TYW1: variants seen among roughly 807,000 people sequenced by gnomAD.
The protein encoded by TYW1 is S-adenosyl-L-methionine-dependent tRNA 4-demethylwyosine synthase TYW1.
TYW1 carries 46 observed loss-of-function variants against 96.2 expected under a neutral mutation model. That is an observed-to-expected ratio of 0.48 (90% CI 0.38 to 0.61). The LOEUF is 0.61. Among genes scored for constraint, TYW1 ranks in the 20% least tolerant of loss-of-function variants. TYW1 has a pLI of 0.00. For synonymous variants in TYW1, 274 were observed against 323.0 expected (o/e 0.85, Z 1.63); for missense variants, 684 against 909.6 (o/e 0.75, Z 3.19).
At chr7:67,069,532 G>C (rs1314993669) in intron 10 of TYW1, among the ~76,000 whole-genome samples, 2 of 152,098 alleles carry the variant, frequency 1.3e-5, no homozygotes, top group Non-Finnish European at 2.9e-5. Context: ...TGAGCCCAGG[G>C]GTTCAAGACC....
chr7:67,011,247 A>G (rs2129239981), intron 4 of TYW1, among the ~76,000 whole-genome samples: 1 of 152,208 alleles, frequency 6.6e-6, no homozygotes, highest in African/African-American at 2.4e-5. Flanking sequence ...TGTGTTGGCC[A>G]GGCTGGTGTT....
At chr7:67,138,752 A>T (rs1056467415) in intron 13 of TYW1, among the ~76,000 whole-genome samples, 5 of 152,186 alleles carry the variant, frequency 3.3e-5, no homozygotes, top group African/African-American at 4.8e-5. Flanking sequence ...TGCCTGGCTA[A>T]TATCACTTAG....
chr7:67,086,199 T>C (rs1427328084), intron 11 of TYW1, among the ~76,000 whole-genome samples: 2 of 152,302 alleles, frequency 1.3e-5, no homozygotes, highest in African/African-American at 4.8e-5. Flanking sequence ...GATAAAGCAG[T>C]GTCTCTTACC....
At chr7:67,063,265 C>T (rs1407099968) in intron 9 of TYW1, among the ~76,000 whole-genome samples, 6 of 152,152 alleles carry the variant, frequency 3.9e-5, no homozygotes, top group African/African-American at 7.2e-5. Context: ...AAACTCTTAG[C>T]AAGTTAGAAA....
chr7:67,007,596 G>A (rs1017669887), intron 3 of TYW1, among the ~76,000 whole-genome samples: 4 of 152,048 alleles, frequency 2.6e-5, no homozygotes, highest in Non-Finnish European at 4.4e-5. Flanking sequence ...ATCAGTCCTT[G>A]AGGCCTGCTG....
At chr7:67,209,894 T>C (rs1023049539) in intron 15 of TYW1, among the ~76,000 whole-genome samples, 2 of 151,932 alleles carry the variant, frequency 1.3e-5, no homozygotes, top group African/African-American at 4.8e-5. Flanking sequence ...TTCAATAGAC[T>C]TTATGTTTTA....
intron 7 of TYW1, among the ~76,000 whole-genome samples, chr7:67,029,409 G>GTATATATATACA: frequency 3.7e-5 from 4 of 107,152 alleles, no homozygotes; most frequent in African/African-American, 1.4e-4. Flanking sequence ...GTGTGTGTGT[G>GTATATATATACA]TGTGTGTATA....
intron 10 of TYW1, 151 bp downstream of exon 10, chr7:67,067,554 A>G: frequency 1.1e-6 from 1 of 922,444 alleles, no homozygotes; most frequent in South Asian, 1.7e-5. Context: ...AATTTTGTAG[A>G]CAAATATTTT....
At chr7:67,141,916 T>A (rs1798462907) in intron 13 of TYW1, among the ~76,000 whole-genome samples, 1 of 152,104 alleles carries the variant, frequency 6.6e-6, no homozygotes, top group African/African-American at 2.4e-5. Context: ...GCGCCTGTAA[T>A]CCCAGCTACT....
intron 15 of TYW1, among the ~76,000 whole-genome samples, chr7:67,202,503 C>A (rs1800634786): frequency 6.6e-6 from 1 of 152,066 alleles, no homozygotes; most frequent in Non-Finnish European, 1.5e-5. Flanking sequence ...CTCCAGCAGT[C>A]CTCCTGCTTA....
intron 15 of TYW1, among the ~76,000 whole-genome samples, chr7:67,215,471 T>C (rs569312469): frequency 6.6e-6 from 1 of 152,172 alleles, no homozygotes; most frequent in Non-Finnish European, 1.5e-5. Flanking sequence ...TCCAGTTCAT[T>C]TACTTTTTAA....
intron 15 of TYW1, among the ~76,000 whole-genome samples, chr7:67,213,183 TA>T (rs1801095433): frequency 6.7e-6 from 1 of 148,674 alleles, no homozygotes; most frequent in African/African-American, 2.5e-5. Flanking sequence ...TTTTTTTTTT[TA>T]AGAGACAAGG....
At chr7:67,184,146 C>G (rs530247545) in intron 14 of TYW1, among the ~76,000 whole-genome samples, 4 of 152,176 alleles carry the variant, frequency 2.6e-5, no homozygotes, top group Non-Finnish European at 5.9e-5. Flanking sequence ...AACAGTTATT[C>G]AGAGTGCTGG....
intron 13 of TYW1, among the ~76,000 whole-genome samples, chr7:67,139,728 GGTGTGT>G (rs55993805): frequency 0.02 from 2,812 of 138,486 alleles, 34 homozygotes; most frequent in Non-Finnish European, 0.027. Context: ...TGTGTATACA[GGTGTGT>G]GTGTGTGTGT....
intron 13 of TYW1, among the ~76,000 whole-genome samples, chr7:67,168,276 G>A (rs112219480): frequency 1.3e-5 from 2 of 151,896 alleles, no homozygotes; most frequent in Non-Finnish European, 2.9e-5. Context: ...TGGTTACTAT[G>A]TATTATCTTT....
At chr7:67,021,088 G>T (rs1429070508) in intron 6 of TYW1, among the ~76,000 whole-genome samples, 1 of 152,276 alleles carries the variant, frequency 6.6e-6, no homozygotes, top group Non-Finnish European at 1.5e-5. Context: ...GTGCTCACCT[G>T]TTACTCTTTA....
chr7:67,173,523 G>A (rs12538054), intron 13 of TYW1, among the ~76,000 whole-genome samples: 6,168 of 152,222 alleles, frequency 0.041, 180 homozygotes, highest in Middle Eastern at 0.1. Context: ...CACAACATCT[G>A]GTTGTTAAGA....
At chr7:67,215,155 T>C (rs1283767486) in intron 15 of TYW1, among the ~76,000 whole-genome samples, 1 of 150,852 alleles carries the variant, frequency 6.6e-6, no homozygotes, top group African/African-American at 2.5e-5. Context: ...ATCAGGCCAC[T>C]CCTCACCTCC....
In TYW1 at chr7:67,007,671, C is replaced by T. The variant is rs188371574; in HGVS notation, c.274-1912C>T. On this transcript the variant is annotated intron_variant, in intron 3 of 15. Coordinates refer to ENST00000359626, the MANE Select transcript of TYW1 (RefSeq NM_018264.4). ...TTTTTGAGATGGAGTCTCGCTCTGT[C>T]GTCCAGGCTGGAGTGCAGTGTGGCA... Among the ~76,000 whole-genome samples the T allele has an allele frequency of 2.9e-3, 437 of 152,098 alleles. 3 individuals are homozygous for T. Among genetic ancestry groups the T allele is most frequent in the Non-Finnish European group, 5.1e-3 (344 of 67,988 alleles).
Sources: allele counts gnomAD v4.1 joint callset (sites outside exome capture counted in the v4.1 genomes callset), GRCh38; gene constraint gnomAD v4.1.1; transcripts MANE v1.5; gene names NCBI Gene and HGNC (gene_info 2026-07-23, HGNC 2026-07-21).